Variants in PELI1 observed in about 807,000 individuals in gnomAD.
The protein encoded by PELI1 is E3 ubiquitin-protein ligase pellino homolog 1.
PELI1 carries 15 observed loss-of-function variants against 41.3 expected under a neutral mutation model. That is an observed-to-expected ratio of 0.36 (90% CI 0.24 to 0.56). PELI1 has a LOEUF of 0.56. Ranked by LOEUF, PELI1 falls within the 20% of genes least tolerant of loss-of-function variation. The pLI is 0.82. For synonymous variants in PELI1, 178 were observed against 180.1 expected (o/e 0.99, Z 0.09); for missense variants, 403 against 525.5 (o/e 0.77, Z 2.28).
intron 1 of PELI1, among the ~76,000 whole-genome samples, chr2:64,115,629 T>C (rs763140047): frequency 3.3e-5 from 5 of 152,108 alleles, no homozygotes; most frequent in Non-Finnish European, 7.4e-5. Flanking sequence ...CCCATTTAAT[T>C]TCTATTACAA....
intron 4 of PELI1, among the ~76,000 whole-genome samples, chr2:64,099,567 C>T: frequency 6.6e-6 from 1 of 152,194 alleles, no homozygotes; most frequent in South Asian, 2.1e-4. Flanking sequence ...GGAGTGGCTT[C>T]AAAGAAATAT....
rs1034907412 is a variant in PELI1, at chr2:64,092,804, C to A, written c.*1898G>T. The A allele has an allele frequency of 1.3e-5, 2 of 152,210 alleles. No individual in the cohort carries two copies. The highest frequency in any genetic ancestry group is 2.9e-5 in the Non-Finnish European group (2 of 68,034). The allele number at this position is 152,210 out of a possible 1,614,324, so 9.4% of individuals were successfully genotyped here. ...ATAGAGTTGTTCACAGTTTTCACTT[C>A]TGGTTTCTCATTCTCGATTATGCAA... On this transcript the variant is annotated 3_prime_UTR_variant, in exon 7 of 7. Transcript: ENST00000358912.
At chr2:64,130,809 T>C (rs1195182357) in intron 1 of PELI1, among the ~76,000 whole-genome samples, 1 of 152,200 alleles carries the variant, frequency 6.6e-6, no homozygotes, top group Non-Finnish European at 1.5e-5. Context: ...TGGGAACAGA[T>C]GTGCTCATTC....
chr2:64,099,442 A>C (rs1680352014), intron 4 of PELI1, among the ~76,000 whole-genome samples: 1 of 152,194 alleles, frequency 6.6e-6, no homozygotes, highest in Non-Finnish European at 1.5e-5. Flanking sequence ...AATCTTCCTT[A>C]AAGATCTTAT....
chr2:64,116,649 C>A (rs1681002669), intron 1 of PELI1, among the ~76,000 whole-genome samples: 1 of 152,180 alleles, frequency 6.6e-6, no homozygotes. Context: ...CCACATTTTA[C>A]AGATAATAAA....
chr2:64,129,617 T>A (rs746008668), intron 1 of PELI1, among the ~76,000 whole-genome samples: 5 of 152,188 alleles, frequency 3.3e-5, no homozygotes, highest in Non-Finnish European at 5.9e-5. Flanking sequence ...TTTTTGTGAT[T>A]ATGAAATGTT....
At chr2:64,124,727 A>C (rs1681331537) in intron 1 of PELI1, among the ~76,000 whole-genome samples, 1 of 152,162 alleles carries the variant, frequency 6.6e-6, no homozygotes, top group African/African-American at 2.4e-5. Flanking sequence ...ATGTTCAATG[A>C]GTGTTCTCTC....
At chr2:64,117,077 T>G (rs1361649137) in intron 1 of PELI1, among the ~76,000 whole-genome samples, 1 of 152,128 alleles carries the variant, frequency 6.6e-6, no homozygotes, top group Non-Finnish European at 1.5e-5. Flanking sequence ...TTCTCCCATC[T>G]CTGCTCACTC....
At chr2:64,111,445 A>G (rs1434406290) in intron 1 of PELI1, among the ~76,000 whole-genome samples, 2 of 152,232 alleles carry the variant, frequency 1.3e-5, no homozygotes, top group African/African-American at 4.8e-5. Context: ...AATTATTTTA[A>G]AAAATGCTTC....
intron 1 of PELI1, among the ~76,000 whole-genome samples, chr2:64,118,267 A>G (rs1681069973): frequency 6.6e-6 from 1 of 152,202 alleles, no homozygotes; most frequent in South Asian, 2.1e-4. Flanking sequence ...GCACATTAAA[A>G]ATACCCCAAT....
At chr2:64,107,259 G>T (rs1680651801) in intron 2 of PELI1, among the ~76,000 whole-genome samples, 2 of 152,136 alleles carry the variant, frequency 1.3e-5, no homozygotes. Context: ...TAGTTTCTGA[G>T]ATCTCTAGTT....
chr2:64,117,332 T>A (rs1160129051), intron 1 of PELI1, among the ~76,000 whole-genome samples: 1 of 151,590 alleles, frequency 6.6e-6, no homozygotes, highest in East Asian at 1.9e-4. Flanking sequence ...TTTGATACAA[T>A]GAAGTAAGTT....
chr2:64,096,082 G>T, intron 6 of PELI1, 43 bp downstream of exon 6: 1 of 1,330,128 alleles, frequency 7.5e-7, no homozygotes. Flanking sequence ...CTCATCCTAT[G>T]TGTTTATTGT....
chr2:64,107,545 A>G (rs1482149638), intron 2 of PELI1, among the ~76,000 whole-genome samples: 1 of 152,202 alleles, frequency 6.6e-6, no homozygotes, highest in African/African-American at 2.4e-5. Context: ...ATAAATGAAG[A>G]CTAACCTACA....
At chr2:64,118,976 TTTTG>T (rs1681111759) in intron 1 of PELI1, among the ~76,000 whole-genome samples, 2 of 144,176 alleles carry the variant, frequency 1.4e-5, no homozygotes, top group African/African-American at 2.6e-5. Flanking sequence ...TAAAATATGT[TTTTG>T]TTTTTTTTTT....
chr2:64,107,975 G>A (rs1371565112), intron 2 of PELI1, among the ~76,000 whole-genome samples: 1 of 152,200 alleles, frequency 6.6e-6, no homozygotes, highest in Non-Finnish European at 1.5e-5. Context: ...ACCATGCCCG[G>A]ACTTTCCATT....
At chr2:64,137,178 C>T (rs1384931848) in intron 1 of PELI1, among the ~76,000 whole-genome samples, 1 of 152,014 alleles carries the variant, frequency 6.6e-6, no homozygotes, top group African/African-American at 2.4e-5. Context: ...AGATGAGATC[C>T]AATTTTTCCT....
intron 2 of PELI1, among the ~76,000 whole-genome samples, chr2:64,107,290 C>T (rs985955798): frequency 6.6e-6 from 1 of 152,134 alleles, no homozygotes; most frequent in Non-Finnish European, 1.5e-5. Context: ...AATACTGTGT[C>T]TCCATTTTGA....
chr2:64,097,844 T>C (rs1340592576), intron 4 of PELI1, among the ~76,000 whole-genome samples: 7 of 152,338 alleles, frequency 4.6e-5, no homozygotes, highest in East Asian at 1.9e-4. Flanking sequence ...TTTATTTAGA[T>C]TGGATAGTTT....
Sources: gnomAD v4.1 joint callset for allele counts (sites outside exome capture counted in the v4.1 genomes callset) on GRCh38, gnomAD v4.1.1 for gene constraint, MANE v1.5 for transcripts, NCBI Gene and HGNC (gene_info 2026-07-23, HGNC 2026-07-21) for gene names.